SETD5: variants seen among roughly 807,000 people sequenced by gnomAD.
SETD5 encodes SET domain containing 5.
In SETD5, 44 loss-of-function variants were observed where a neutral mutation model predicts 153.3. That is an observed-to-expected ratio of 0.29 (90% CI 0.23 to 0.37). SETD5 has a LOEUF of 0.37. Among genes scored for constraint, SETD5 ranks in the 10% least tolerant of loss-of-function variants. SETD5 has a pLI of 1.00. For missense variants in SETD5, 1,544 were observed against 1,768.0 expected, an observed-to-expected ratio of 0.87 and a Z score of 2.27; for synonymous variants, 716 against 645.2, an observed-to-expected ratio of 1.11 and a Z score of -1.66.
At chr3:9,426,436 G>A (rs1489318114) in intron 2 of SETD5, among the ~76,000 whole-genome samples, 6 of 148,956 alleles carry the variant, frequency 4.0e-5, no homozygotes, top group East Asian at 2.0e-4. Flanking sequence ...TCACTCTGTC[G>A]CCCAAGCTGG....
At position 9,473,208 on chromosome 3, in the gene SETD5, TTTTGTTTG is replaced by T; in HGVS notation, c.3196-20_3196-13del. 1.2e-6 allele frequency: 2 copies of T among 1,601,968 alleles called. No individual in the cohort carries two copies. Among genetic ancestry groups the T allele is most frequent in the Non-Finnish European group, 1.7e-6 (2 of 1,172,048 alleles). ...AATGATATCCAGATAGAGTACCGTT[TTTTGTTTG>T]TTTGTTTTTTCCTTTCTAGGTATCC... On this transcript the variant is annotated intron_variant, in intron 19 of 22. Transcript: ENST00000402198.
intron 17 of SETD5, among the ~76,000 whole-genome samples, chr3:9,458,530 A>G (rs1292547936): frequency 6.6e-6 from 1 of 152,168 alleles, no homozygotes; most frequent in African/African-American, 2.4e-5. Flanking sequence ...GGATGACTTG[A>G]GCCCAAGAAT....
Position 9,448,378 on chromosome 3 carries a change from T to A in SETD5, c.2104-10T>A. The stretch of plus-strand genomic sequence containing the variant: ...TGATTTATAAACTAATGATCTCTTT[T>A]TTACCTTAGTATCTAGTTACAGAAT... On this transcript the variant is annotated splice_polypyrimidine_tract_variant and intron_variant, in intron 15 of 22. Coordinates refer to ENST00000402198, the MANE Select transcript of SETD5 (RefSeq NM_001080517.3). 1 of 1,613,424 alleles carries A rather than the reference T, an allele frequency of 6.2e-7. No homozygotes were observed. Among genetic ancestry groups the A allele is most frequent in the Non-Finnish European group, 8.5e-7 (1 of 1,179,562 alleles).
At chr3:9,459,503 G>A (rs1018057712) in intron 17 of SETD5, among the ~76,000 whole-genome samples, 6 of 151,882 alleles carry the variant, frequency 4.0e-5, no homozygotes, top group Admixed American at 1.3e-4. Context: ...AGGTGTGGTG[G>A]CTCACGCCTG....
chr3:9,472,024 G>A (rs567647008), intron 19 of SETD5, among the ~76,000 whole-genome samples: 1 of 152,152 alleles, frequency 6.6e-6, no homozygotes, highest in Non-Finnish European at 1.5e-5. Flanking sequence ...AGAAGGAGGA[G>A]GAAACATTGG....
rs1228511400 is a variant in SETD5 at position 9,462,359 on chromosome 3, G to A, written c.2477-2066G>A. Among the ~76,000 whole-genome samples, 4 of 152,098 alleles carry A rather than the reference G, an allele frequency of 2.6e-5. No homozygotes were observed. In the East Asian group the frequency reaches 7.8e-4, roughly 30 times the overall value. On this transcript the variant is annotated intron_variant, in intron 17 of 22. Transcript: ENST00000402198. ...TCCCAGCACTTTGGGAGGCCGAGGC[G>A]GGTGGATCACGAGGTCAAGAGATCA...
intron 1 of SETD5, among the ~76,000 whole-genome samples, chr3:9,399,833 A>C (rs1408338170): frequency 6.6e-6 from 1 of 151,678 alleles, no homozygotes; most frequent in Non-Finnish European, 1.5e-5. Flanking sequence ...GGTCCAAAAA[A>C]AAAAAAAAAA....
At chr3:9,425,965 T>TG (rs1330771469) in intron 2 of SETD5, 1 of 152,300 alleles carries the variant, frequency 6.6e-6, no homozygotes, top group Non-Finnish European at 1.5e-5. Context: ...CAGACAGCTT[T>TG]GGGGCTTTTC....
chr3:9,400,750 A>G (rs1023061660), intron 1 of SETD5, among the ~76,000 whole-genome samples: 3 of 152,348 alleles, frequency 2.0e-5, no homozygotes, highest in African/African-American at 7.2e-5. Flanking sequence ...AGGACAGACC[A>G]GAAGAAATAT....
At chr3:9,458,148 C>T (rs1306246898) in intron 17 of SETD5, among the ~76,000 whole-genome samples, 1 of 152,024 alleles carries the variant, frequency 6.6e-6, no homozygotes, top group African/African-American at 2.4e-5. Flanking sequence ...TCTAGCTGGA[C>T]ACGGTGGCAC....
chr3:9,473,273 C>A lies in SETD5; in HGVS notation c.3233C>A (p.Ala1078Asp). The A allele has an allele frequency of 1.2e-6, 2 of 1,613,742 alleles. No individual in the cohort carries two copies. Among genetic ancestry groups the A allele is most frequent in the Non-Finnish European group, 1.7e-6 (2 of 1,179,696 alleles). ...LLEYRKRKQE[A>D]KENSAGGGGD... ...GAGTACCGAAAACGGAAACAAGAAG[C>A]TAAGGAAAATTCTGCTGGTGGGGGA... The change falls in exon 20 of 23, where the codon GCT becomes GAT. Residue 1078 changes from alanine (A) to aspartate (D), a missense_variant. Ala to Asp is a moderately radical substitution (Grantham distance 126). Coordinates refer to ENST00000402198, the MANE Select transcript of SETD5 (RefSeq NM_001080517.3).
chr3:9,424,719 A>G (rs1325104068), intron 2 of SETD5, among the ~76,000 whole-genome samples, 193 bp downstream of exon 2: 1 of 152,216 alleles, frequency 6.6e-6, no homozygotes, highest in Non-Finnish European at 1.5e-5. Context: ...CATAGAGTTT[A>G]TATTCTGGTA....
In SETD5 at chr3:9,475,601, G is replaced by A. The variant is rs940228957; in HGVS notation, c.3839G>A (p.Arg1280Lys). Reference protein sequence around the residue: ...PGYSYRTTALRPGNPPSHGSS... With the variant: ...PGYSYRTTALKPGNPPSHGSS... The stretch of plus-strand genomic sequence containing the variant: ...TACAGTTATCGAACTACTGCACTGA[G>A]ACCTGGAAACCCCCCCTCTCACGGT... The change falls in exon 23 of 23, where the codon AGA becomes AAA. Residue 1280 changes from arginine (R) to lysine (K), a missense_variant. Arg to Lys is a conservative substitution (Grantham distance 26, BLOSUM62 2). Coordinates refer to ENST00000402198, the MANE Select transcript of SETD5 (RefSeq NM_001080517.3). The A allele has an allele frequency of 3.7e-6, 6 of 1,613,738 alleles. No individual in the cohort carries two copies. The highest frequency in any genetic ancestry group is 1.3e-5 in the African/African-American group (1 of 74,868).
chr3:9,401,647 T>C (rs1027546656), intron 1 of SETD5, among the ~76,000 whole-genome samples: 1 of 152,244 alleles, frequency 6.6e-6, no homozygotes, highest in African/African-American at 2.4e-5. Context: ...AAATAACTTA[T>C]GAAAAATTAG....
At chr3:9,413,057 A>G (rs1206630742) in intron 1 of SETD5, among the ~76,000 whole-genome samples, 1 of 152,116 alleles carries the variant, frequency 6.6e-6, no homozygotes, top group Non-Finnish European at 1.5e-5. Flanking sequence ...TTTTAAAATA[A>G]AAGTATTCAT....
At chr3:9,436,611 T>C (rs1207734350) in intron 7 of SETD5, among the ~76,000 whole-genome samples, 1 of 152,244 alleles carries the variant, frequency 6.6e-6, no homozygotes, top group Non-Finnish European at 1.5e-5. Flanking sequence ...ATGCATGCTC[T>C]TCCCTGTTAA....
At chr3:9,449,075 T>C (rs1009474969) in intron 16 of SETD5, among the ~76,000 whole-genome samples, 3 of 152,238 alleles carry the variant, frequency 2.0e-5, no homozygotes, top group African/African-American at 4.8e-5. Flanking sequence ...TCAACCGTTA[T>C]TATCCACTAT....
intron 1 of SETD5, among the ~76,000 whole-genome samples, chr3:9,413,480 G>T (rs1385386038): frequency 6.6e-6 from 1 of 151,970 alleles, no homozygotes; most frequent in Non-Finnish European, 1.5e-5. Flanking sequence ...TGACTTTATT[G>T]CTGCCCATCT....
chr3:9,430,984 G>A (rs1036985079), intron 3 of SETD5: 1 of 985,338 alleles, frequency 1.0e-6, no homozygotes, highest in Non-Finnish European at 1.2e-6. Context: ...TCAGTAACTA[G>A]CTACATACCA....
Sources: gnomAD v4.1 joint callset for allele counts (sites outside exome capture counted in the v4.1 genomes callset) on GRCh38, gnomAD v4.1.1 for gene constraint, MANE v1.5 for transcripts, NCBI Gene and HGNC (gene_info 2026-07-23, HGNC 2026-07-21) for gene names.